The following CPED1 variants were observed in gnomAD, a reference collection of about 807,000 sequenced individuals.
CPED1 encodes the protein cadherin-like and PC-esterase domain-containing protein 1.
In CPED1, 114 loss-of-function variants were observed where a neutral mutation model predicts 128.2. The ratio of observed to expected loss-of-function variants is 0.89; its 90% CI spans 0.76 to 1.04. CPED1 has a LOEUF of 1.04. CPED1 is among the 50% of genes least tolerant of loss of function. The pLI is 0.00. For missense variants in CPED1, 1,211 were observed against 1,207.1 expected, an observed-to-expected ratio of 1.00 and a Z score of -0.05; for synonymous variants, 462 against 426.7, an observed-to-expected ratio of 1.08 and a Z score of -1.02.
intron 4 of CPED1, among the ~76,000 whole-genome samples, chr7:121,052,283 A>G (rs559308456): frequency 1.3e-5 from 2 of 152,288 alleles, no homozygotes; most frequent in African/African-American, 2.4e-5. Flanking sequence ...ACCAAGGTGA[A>G]CATTATTCTA....
intron 16 of CPED1, among the ~76,000 whole-genome samples, chr7:121,158,536 C>A (rs569415072): frequency 6.6e-6 from 1 of 151,594 alleles, no homozygotes; most frequent in Admixed American, 6.6e-5. Flanking sequence ...ATTTCAGGTT[C>A]TGGGAGACAC....
chr7:121,017,399 A>G (rs927099808), intron 3 of CPED1, among the ~76,000 whole-genome samples: 1 of 152,212 alleles, frequency 6.6e-6, no homozygotes, highest in African/African-American at 2.4e-5. Context: ...ATACCCATAA[A>G]TGATACTTAG....
rs1253357807 is a variant in CPED1 at position 121,222,960 on chromosome 7, C to A, written c.2056-13754C>A. On this transcript the variant is annotated intron_variant, in intron 16 of 22. Coordinates refer to ENST00000310396, the MANE Select transcript of CPED1 (RefSeq NM_024913.5). ...AATACCCTTTATTTCTTTCTCTTGCCTGATTGCCCTGGCCAGAACTTCCAA... is the reference window on the plus strand; with the variant it reads ...AATACCCTTTATTTCTTTCTCTTGCATGATTGCCCTGGCCAGAACTTCCAA... Among the ~76,000 whole-genome samples, 7 of 152,268 alleles carry A rather than the reference C, an allele frequency of 4.6e-5. No homozygotes were observed. The South Asian group carries it at 1.5e-3, about 32-fold the overall frequency.
At chr7:121,189,548 A>C (rs1392203306) in intron 16 of CPED1, among the ~76,000 whole-genome samples, 1 of 151,588 alleles carries the variant, frequency 6.6e-6, no homozygotes, top group Non-Finnish European at 1.5e-5. Flanking sequence ...CTCCCCCAAC[A>C]CTGGGTATTA....
intron 3 of CPED1, among the ~76,000 whole-genome samples, chr7:121,027,214 A>C (rs1792614943): frequency 6.6e-6 from 1 of 151,966 alleles, no homozygotes; most frequent in South Asian, 2.1e-4. Flanking sequence ...ATGGTGAACA[A>C]ATTTCCTTAG....
intron 3 of CPED1, 101 bp downstream of exon 3, chr7:121,015,949 A>G: frequency 1.1e-5 from 10 of 879,304 alleles, no homozygotes; most frequent in Non-Finnish European, 1.4e-5. Context: ...TTATAAAAAC[A>G]AATATTTATC....
chr7:121,205,839 G>A (rs966460816), intron 16 of CPED1, among the ~76,000 whole-genome samples: 13 of 152,096 alleles, frequency 8.5e-5, no homozygotes, highest in Admixed American at 4.6e-4. Context: ...ACATGGATTG[G>A]AAGCAAGTAG....
intron 16 of CPED1, among the ~76,000 whole-genome samples, chr7:121,144,308 A>G (rs750406190): frequency 2.6e-5 from 4 of 152,114 alleles, no homozygotes; most frequent in African/African-American, 4.8e-5. Flanking sequence ...CAATGGATGA[A>G]TGGATAAAGA....
chr7:121,182,648 A>G (rs764703751), intron 16 of CPED1, among the ~76,000 whole-genome samples: 4 of 152,070 alleles, frequency 2.6e-5, no homozygotes, highest in Non-Finnish European at 5.9e-5. Context: ...GTGTAGCTTG[A>G]AATGACATGC....
intron 4 of CPED1, among the ~76,000 whole-genome samples, chr7:121,048,408 A>G (rs1045194980): frequency 6.6e-6 from 1 of 151,978 alleles, no homozygotes; most frequent in Non-Finnish European, 1.5e-5. Flanking sequence ...GAAATTACCC[A>G]CTTTGTCATC....
chr7:121,074,675 C>T (rs972100525), intron 5 of CPED1, among the ~76,000 whole-genome samples: 4 of 151,890 alleles, frequency 2.6e-5, no homozygotes, highest in South Asian at 2.1e-4. Context: ...TTAAGCCAAA[C>T]GTCTTTTTGA....
chr7:121,173,449 T>C (rs1366759969), intron 16 of CPED1, among the ~76,000 whole-genome samples: 1 of 152,122 alleles, frequency 6.6e-6, no homozygotes, highest in Non-Finnish European at 1.5e-5. Context: ...TGTTCCTCTC[T>C]TTGTGTCCAT....
intron 3 of CPED1, among the ~76,000 whole-genome samples, chr7:121,016,574 C>T (rs6973457): frequency 0.79 from 120,594 of 152,082 alleles, 48,085 homozygotes; most frequent in East Asian, 0.94. Context: ...AAACTGAGGC[C>T]TTACTGGCTG....
At chr7:121,243,709 T>A (rs893440344) in intron 17 of CPED1, among the ~76,000 whole-genome samples, 10 of 152,180 alleles carry the variant, frequency 6.6e-5, no homozygotes, top group African/African-American at 2.4e-4. Context: ...AAATAACTAA[T>A]CTTCAAAATA....
At chr7:121,183,810 A>G (rs1341346349) in intron 16 of CPED1, among the ~76,000 whole-genome samples, 1 of 152,180 alleles carries the variant, frequency 6.6e-6, no homozygotes, top group Admixed American at 6.6e-5. Flanking sequence ...AAAGTATTAG[A>G]CTGTTGATGA....
intron 16 of CPED1, 26 bp downstream of exon 16, chr7:121,142,167 G>C: frequency 6.4e-7 from 1 of 1,563,556 alleles, no homozygotes; most frequent in South Asian, 1.2e-5. Flanking sequence ...ATTTGCACTT[G>C]GGTTGAATTG....
intron 3 of CPED1, among the ~76,000 whole-genome samples, chr7:121,025,986 T>C (rs556123512): frequency 2.0e-5 from 3 of 152,302 alleles, no homozygotes; most frequent in African/African-American, 7.2e-5. Flanking sequence ...CTGACATGTT[T>C]CTGTTGCTAG....
intron 16 of CPED1, among the ~76,000 whole-genome samples, chr7:121,150,679 A>G (rs1796136783): frequency 6.6e-6 from 1 of 152,026 alleles, no homozygotes; most frequent in South Asian, 2.1e-4. Context: ...CAGCATAAGT[A>G]TTTCCTTTTC....
rs930482278 is a variant in CPED1 at position 121,099,609 on chromosome 7, G to A, written c.750-317G>A. ...TCTCCAACTCCTGAGCTCATGATCC[G>A]CCTGTCTCGGCCTCCCAAAGTGCTG... On this transcript the variant is annotated intron_variant, in intron 6 of 22. Transcript: ENST00000310396. Among the ~76,000 whole-genome samples the A allele has an allele frequency of 3.3e-5, 5 of 152,210 alleles. No individual in the cohort carries two copies. The South Asian group carries it at 8.3e-4, about 25-fold the overall frequency.
Sources: allele counts gnomAD v4.1 joint callset (sites outside exome capture counted in the v4.1 genomes callset), GRCh38; gene constraint gnomAD v4.1.1; transcripts MANE v1.5; gene names NCBI Gene and HGNC (gene_info 2026-07-23, HGNC 2026-07-21).